SPATA22: variants seen among roughly 807,000 people sequenced by gnomAD.
SPATA22 encodes spermatogenesis-associated protein 22.
In SPATA22, 29 loss-of-function variants were observed where a neutral mutation model predicts 47.8. That is an observed-to-expected ratio of 0.61 (90% CI 0.45 to 0.83). SPATA22 has a LOEUF of 0.83. SPATA22 is among the 40% of genes least tolerant of loss of function. The pLI is 0.00. For synonymous variants in SPATA22, 133 were observed against 140.9 expected (o/e 0.94, Z 0.40); for missense variants, 410 against 421.7 (o/e 0.97, Z 0.24).
intron 1 of SPATA22, among the ~76,000 whole-genome samples, chr17:3,486,769 C>A (rs1231104148): frequency 2.0e-5 from 3 of 152,100 alleles, no homozygotes; most frequent in African/African-American, 7.2e-5. Flanking sequence ...TAAAATTATT[C>A]TGGAAATTCA....
intron 1 of SPATA22, among the ~76,000 whole-genome samples, chr17:3,486,460 C>T (rs1001099494): frequency 1.3e-5 from 2 of 152,154 alleles, no homozygotes; most frequent in African/African-American, 2.4e-5. Context: ...AGACATTTCA[C>T]GAGCTGTTTG....
In SPATA22 at chr17:3,446,507, T is replaced by C. The variant is rs2072730316; in HGVS notation, c.767A>G (p.His256Arg). Reference sequence around the variant, plus strand: ...AAAAAGAAGTACAGTTTTCTGTGCATGTTCACGCCAATACTTCATGCTTTC... The same window carrying C: ...AAAAAGAAGTACAGTTTTCTGTGCACGTTCACGCCAATACTTCATGCTTTC... ...VIESMKYWREHAQKTVLLFEV... is the reference protein window; with the variant it reads ...VIESMKYWRERAQKTVLLFEV... Residue 256 changes from histidine (H) to arginine (R), a missense_variant, in exon 7 of 9, where the codon CAT (histidine) becomes CGT (arginine). By Grantham distance (29) the His-to-Arg change is conservative. Coordinates refer to ENST00000572969, the MANE Select transcript of SPATA22 (RefSeq NM_001170698.2). The C allele has an allele frequency of 1.9e-6, 3 of 1,607,370 alleles. No individual in the cohort carries two copies. Among genetic ancestry groups the C allele is most frequent in the African/African-American group, 1.3e-5 (1 of 74,508 alleles).
rs1327739547 is a variant in SPATA22 at position 3,481,804 on chromosome 17, G to A, written c.-73-12406C>T. On this transcript the variant is annotated intron_variant, in intron 1 of 8. Transcript: ENST00000541913. ...AGATGTTTCATTACATTAAGGTAAT[G>A]TTAATGTTATTAATTTATAAGTTAG... 2 of 1,582,756 alleles carry A rather than the reference G, an allele frequency of 1.3e-6. No homozygotes were observed. The highest frequency in any genetic ancestry group is 1.1e-5 in the South Asian group (1 of 88,616).
chr17:3,500,577 A>G (rs571255214), intron 1 of SPATA22: 1 of 151,902 alleles, frequency 6.6e-6, no homozygotes, highest in Non-Finnish European at 1.5e-5. Flanking sequence ...ATCTCGGCTC[A>G]CTGCAAGCTC....
Position 3,469,269 on chromosome 17 carries a change from A to G in SPATA22, c.43+14T>C. 1.5e-6 allele frequency: 2 copies of G among 1,307,960 alleles called. No individual in the cohort carries two copies. Among genetic ancestry groups the G allele is most frequent in the Non-Finnish European group, 2.2e-6 (2 of 921,710 alleles). 81.0% of individuals were successfully genotyped at this position (1,307,960 alleles called of 1,614,324 possible). A position where few individuals can be genotyped will look rare whatever the true frequency, so the allele number is the denominator to read the frequency against. Reference sequence around the variant, plus strand: ...GCTATACAGAAAATTTAAAAATAAAAAGTTGTTCAATACCTGCTGTACTTC... The same window carrying G: ...GCTATACAGAAAATTTAAAAATAAAGAGTTGTTCAATACCTGCTGTACTTC... On this transcript the variant is annotated intron_variant, in intron 2 of 8. Coordinates refer to ENST00000572969, the MANE Select transcript of SPATA22 (RefSeq NM_001170698.2).
chr17:3,465,790 T>A (rs56035816), intron 3 of SPATA22, among the ~76,000 whole-genome samples: 34,471 of 147,314 alleles, frequency 0.23, 4,341 homozygotes, highest in East Asian at 0.42. Flanking sequence ...AATAAAAATT[T>A]AAAAAACAAA....
chr17:3,465,767 A>G (rs2073290781), intron 3 of SPATA22, among the ~76,000 whole-genome samples: 2 of 141,976 alleles, frequency 1.4e-5, no homozygotes, highest in Admixed American at 7.4e-5. Context: ...AACACCCAAG[A>G]ATGATCAATA....
At chr17:3,450,527 T>A (rs573528209) in intron 5 of SPATA22, among the ~76,000 whole-genome samples, 2 of 152,296 alleles carry the variant, frequency 1.3e-5, no homozygotes, top group South Asian at 4.1e-4. Flanking sequence ...ATTTTGTAAT[T>A]TTTTTGGACT....
intron 1 of SPATA22, among the ~76,000 whole-genome samples, chr17:3,493,350 C>T (rs2073855038): frequency 6.6e-6 from 1 of 152,012 alleles, no homozygotes; most frequent in Admixed American, 6.5e-5. Context: ...ATCACAAGGT[C>T]AAGAAATCGA....
intron 1 of SPATA22, among the ~76,000 whole-genome samples, chr17:3,504,052 AG>A (rs2074018946): frequency 6.6e-6 from 1 of 151,892 alleles, no homozygotes; most frequent in Non-Finnish European, 1.5e-5. Flanking sequence ...TTATTCCTCT[AG>A]GCCTTTACAT....
At chr17:3,506,219 TGAGAGGGTCACTCA>T (rs1176596862) in intron 1 of SPATA22, among the ~76,000 whole-genome samples, 2 of 152,184 alleles carry the variant, frequency 1.3e-5, no homozygotes, top group African/African-American at 2.4e-5. Context: ...AGCCGATGAC[TGAGAGGGTCACTCA>T]GAGAGGACTT....
intron 1 of SPATA22, among the ~76,000 whole-genome samples, chr17:3,497,775 G>T (rs2073933373): frequency 6.6e-6 from 1 of 152,186 alleles, no homozygotes; most frequent in African/African-American, 2.4e-5. Context: ...ATGAAATCCT[G>T]CTTTTCTAAC....
intron 3 of SPATA22, among the ~76,000 whole-genome samples, chr17:3,464,778 G>A (rs1454616325): frequency 3.0e-5 from 4 of 133,926 alleles, no homozygotes; most frequent in Non-Finnish European, 4.9e-5. Flanking sequence ...GAGCCCCTCC[G>A]CCCGGCAGCC....
rs2073770690 is a variant in SPATA22 at position 3,488,742 on chromosome 17, C to G, written c.-73-19344G>C. ...AAGGGCAAAATCATTGCTCAAGGGTCACATAGATTGTCATATTGACTGAAA... is the reference window on the plus strand; with the variant it reads ...AAGGGCAAAATCATTGCTCAAGGGTGACATAGATTGTCATATTGACTGAAA... On this transcript the variant is annotated intron_variant, in intron 1 of 8. Coordinates refer to the SPATA22 transcript ENST00000541913. The surrounding 1 kb of genome is among the most constrained non-coding windows in gnomAD (Gnocchi z 6.1). Among the ~76,000 whole-genome samples, 1 of 152,156 alleles carries G rather than the reference C, an allele frequency of 6.6e-6. No homozygotes were observed. Among genetic ancestry groups the G allele is most frequent in the South Asian group, 2.1e-4 (1 of 4,826 alleles).
chr17:3,443,787 A>ATAAAATATATTTTCATATACC (rs2072651587), intron 7 of SPATA22, among the ~76,000 whole-genome samples: 3 of 151,976 alleles, frequency 2.0e-5, no homozygotes, highest in Non-Finnish European at 1.5e-5. Context: ...TTTCATATAC[A>ATAAAATATATTTTCATATACC]TACAATATAT....
At position 3,487,008 on chromosome 17, in the gene SPATA22, G is replaced by T. The variant is rs78670979; in HGVS notation, c.-73-17610C>A. On this transcript the variant is annotated intron_variant, in intron 1 of 8. Transcript: ENST00000541913. Reference sequence around the variant, plus strand: ...GACCACGGTTAATCTGAGAAAGTTAGGAGAGGGCTGTGTCCAGTCGCTTTC... The same window carrying T: ...GACCACGGTTAATCTGAGAAAGTTATGAGAGGGCTGTGTCCAGTCGCTTTC... 5.2e-3 allele frequency among the ~76,000 whole-genome samples: 794 copies of T among 152,196 alleles called. 41 individuals carry two copies. In the East Asian group the frequency reaches 0.12, roughly 22 times the overall value.
chr17:3,468,503 G>C (rs768259346), intron 2 of SPATA22: 1 of 152,212 alleles, frequency 6.6e-6, no homozygotes, highest in Non-Finnish European at 1.5e-5. Flanking sequence ...GAATCAGACC[G>C]CCTAGGTCTT....
chr17:3,499,216 G>T (rs1378350436), intron 1 of SPATA22: 3 of 830,818 alleles, frequency 3.6e-6, no homozygotes, highest in African/African-American at 3.5e-5. Flanking sequence ...TATTCGGTAG[G>T]CATCTAAGCA....
At chr17:3,489,475 C>T (rs1343315490) in intron 1 of SPATA22, 4 of 713,428 alleles carry the variant, frequency 5.6e-6, no homozygotes, top group African/African-American at 3.5e-5. Context: ...CAGCTATTCC[C>T]CAATGGCCAG....
Sources: allele counts gnomAD v4.1 joint callset (sites outside exome capture counted in the v4.1 genomes callset), GRCh38; gene constraint gnomAD v4.1.1; non-coding constraint Gnocchi (gnomAD v3.1); transcripts MANE v1.5; gene names NCBI Gene and HGNC (gene_info 2026-07-23, HGNC 2026-07-21).